LY86: variants seen among roughly 807,000 people sequenced by gnomAD.
The protein encoded by LY86 is MD-1, RP105-associated.
In LY86, 20 loss-of-function variants were observed where a neutral mutation model predicts 17.3. That is an observed-to-expected ratio of 1.15 (90% CI 0.81 to 1.68). LY86 has a LOEUF of 1.68. Among genes scored for constraint, LY86 ranks in the 40% most tolerant of loss-of-function variants. The pLI is 0.00. For synonymous variants in LY86, 74 were observed against 70.6 expected (o/e 1.05, Z -0.24); for missense variants, 200 against 191.9 (o/e 1.04, Z -0.25).
chr6:6,590,996 T>A lies in LY86; in HGVS notation c.136+2126T>A, dbSNP rs189398763. On this transcript the variant is annotated intron_variant, in intron 1 of 4. Transcript: ENST00000230568. ...CTGGATGCTGGAAGTGCTGATCTTG[T>A]CACTCTAGGTTTTCCCATGGCGTCA... Among the ~76,000 whole-genome samples the A allele has an allele frequency of 2.2e-4, 33 of 152,350 alleles. No homozygotes were observed. In the East Asian group the frequency reaches 5.4e-3, roughly 25 times the overall value.
At chr6:6,612,340 A>G (rs1273104902) in intron 1 of LY86, among the ~76,000 whole-genome samples, 2 of 152,226 alleles carry the variant, frequency 1.3e-5, no homozygotes, top group African/African-American at 4.8e-5. Context: ...CCTCGCAGTA[A>G]GCATTACACT....
intron 3 of LY86, 116 bp downstream of exon 3, chr6:6,626,537 C>T (rs1295598295): frequency 1.7e-5 from 19 of 1,130,268 alleles, no homozygotes; most frequent in Admixed American, 1.1e-4. Flanking sequence ...CGCCTTTGGA[C>T]GAGCTTATCC....
At chr6:6,596,910 A>G (rs555317695) in intron 1 of LY86, among the ~76,000 whole-genome samples, 1 of 152,234 alleles carries the variant, frequency 6.6e-6, no homozygotes, top group Non-Finnish European at 1.5e-5. Flanking sequence ...AAAAAAGCCA[A>G]GAGTCTGTAG....
chr6:6,595,900 G>C (rs555150333), intron 1 of LY86, among the ~76,000 whole-genome samples: 1 of 152,158 alleles, frequency 6.6e-6, no homozygotes, highest in African/African-American at 2.4e-5. Context: ...GAGGGCTGTG[G>C]GTGGTCCCTG....
At chr6:6,610,139 G>C (rs571708860) in intron 1 of LY86, among the ~76,000 whole-genome samples, 3 of 152,190 alleles carry the variant, frequency 2.0e-5, no homozygotes, top group South Asian at 2.1e-4. Flanking sequence ...AACTACAAGA[G>C]CGAACACGTG....
intron 1 of LY86, among the ~76,000 whole-genome samples, chr6:6,595,658 C>T (rs986256469): frequency 1.1e-4 from 17 of 152,168 alleles, no homozygotes; most frequent in African/African-American, 4.1e-4. Flanking sequence ...GCCATGTGCA[C>T]CAAGTTCTTG....
chr6:6,607,931 G>T (rs1365817943), intron 1 of LY86, among the ~76,000 whole-genome samples: 2 of 152,040 alleles, frequency 1.3e-5, no homozygotes, highest in Non-Finnish European at 2.9e-5. Flanking sequence ...TAAATCAGAA[G>T]CCCTAATAGA....
rs977795761 is a variant in LY86, at chr6:6,612,510, AAAAAGC to A, written c.137-12410_137-12405del. 6.1e-3 allele frequency among the ~76,000 whole-genome samples: 837 copies of A among 138,024 alleles called. 9 individuals carry two copies. The highest frequency in any genetic ancestry group is 0.015 in the African/African-American group (521 of 35,802). The allele number at this position is 138,024 out of a possible 152,430, so 90.5% of individuals were successfully genotyped here. On this transcript the variant is annotated intron_variant, in intron 1 of 4. Coordinates refer to ENST00000230568, the MANE Select transcript of LY86 (RefSeq NM_004271.4). ...TGTAAACAACAAAAACACTTACTGC[AAAAAGC>A]AAAAGAACAAACCAACCACACAAAA...
intron 1 of LY86, among the ~76,000 whole-genome samples, chr6:6,607,068 G>A (rs1251729563): frequency 6.6e-6 from 1 of 152,282 alleles, no homozygotes; most frequent in Admixed American, 6.5e-5. Context: ...GGGGGTCCCT[G>A]GGGCCATGTT....
At chr6:6,602,053 G>C (rs1026546360) in intron 1 of LY86, among the ~76,000 whole-genome samples, 1 of 152,202 alleles carries the variant, frequency 6.6e-6, no homozygotes, top group Non-Finnish European at 1.5e-5. Context: ...TGCCTTTTAT[G>C]CCACCTGACC....
chr6:6,654,471 T>C, intron 4 of LY86, 73 bp from the exon 5 acceptor site: 1 of 1,177,750 alleles, frequency 8.5e-7, no homozygotes, highest in Non-Finnish European at 1.3e-6. Flanking sequence ...TAAAAGTTTC[T>C]CTGTAAATAT....
intron 3 of LY86, among the ~76,000 whole-genome samples, chr6:6,648,280 G>C (rs1327541922): frequency 6.6e-6 from 1 of 152,136 alleles, no homozygotes; most frequent in Non-Finnish European, 1.5e-5. Context: ...ACATAAATTA[G>C]CTATTTTGAC....
At chr6:6,625,930 C>G (rs759439170) in intron 2 of LY86, among the ~76,000 whole-genome samples, 2 of 152,160 alleles carry the variant, frequency 1.3e-5, no homozygotes, top group Non-Finnish European at 2.9e-5. Context: ...GTAGGCGTGA[C>G]CACACCCCAC....
At chr6:6,612,525 AAACCAACCACACAAAAGCAACGAAAC>A (rs1761405674) in intron 1 of LY86, among the ~76,000 whole-genome samples, 1 of 152,184 alleles carries the variant, frequency 6.6e-6, no homozygotes. Context: ...GCAAAAGAAC[AAACCAACCACACAAAAGCAACGAAAC>A]AACCAGTTGT....
chr6:6,606,703 G>A (rs994371544), intron 1 of LY86, among the ~76,000 whole-genome samples: 2 of 152,218 alleles, frequency 1.3e-5, no homozygotes, highest in Non-Finnish European at 2.9e-5. Flanking sequence ...GGGGCTTGCG[G>A]GCGGACCTGC....
chr6:6,611,682 C>T (rs1264023084), intron 1 of LY86, among the ~76,000 whole-genome samples: 5 of 152,210 alleles, frequency 3.3e-5, no homozygotes, highest in Non-Finnish European at 5.9e-5. Flanking sequence ...GGCTACGCTG[C>T]GCGCCGGTCG....
At chr6:6,634,182 C>T (rs1226873338) in intron 3 of LY86, among the ~76,000 whole-genome samples, 1 of 152,190 alleles carries the variant, frequency 6.6e-6, no homozygotes, top group Non-Finnish European at 1.5e-5. Context: ...ATACACATAC[C>T]TCCCTGTGTG....
At chr6:6,649,476 T>A in intron 3 of LY86, 149 bp from the exon 4 acceptor site, 1 of 594,360 alleles carries the variant, frequency 1.7e-6, no homozygotes. Flanking sequence ...ATGGTAGGTG[T>A]AGATCAGGAA....
intron 4 of LY86, 24 bp downstream of exon 4, chr6:6,649,701 A>G (rs1378916290): frequency 2.2e-6 from 3 of 1,383,020 alleles, no homozygotes; most frequent in Non-Finnish European, 3.1e-6. Context: ...TACTTCTTGT[A>G]TTAAATAGTT....
Sources: gnomAD v4.1 joint callset for allele counts (sites outside exome capture counted in the v4.1 genomes callset) on GRCh38, gnomAD v4.1.1 for gene constraint, MANE v1.5 for transcripts, NCBI Gene and HGNC (gene_info 2026-07-23, HGNC 2026-07-21) for gene names.